Variants in PDXDC1 observed in about 807,000 individuals in gnomAD.
PDXDC1 encodes pyridoxal dependent decarboxylase domain containing 1.
Under a neutral mutation model 100.1 loss-of-function variants are expected in PDXDC1, and 42 were observed. The ratio of observed to expected loss-of-function variants is 0.42; its 90% CI spans 0.33 to 0.54. The LOEUF (loss-of-function observed/expected upper bound fraction) is 0.54. PDXDC1 is among the 20% of genes least tolerant of loss of function. PDXDC1 has a pLI of 0.10. For synonymous variants in PDXDC1, 260 were observed against 371.7 expected, an observed-to-expected ratio of 0.70 and a Z score of 3.46; for missense variants, 636 against 979.2, an observed-to-expected ratio of 0.65 and a Z score of 4.68.
At chr16:15,012,411 A>G (rs1444852834) in intron 8 of PDXDC1, among the ~76,000 whole-genome samples, 5 of 152,278 alleles carry the variant, frequency 3.3e-5, no homozygotes, top group Non-Finnish European at 7.3e-5. Context: ...GGCCCACAAT[A>G]CAATTTTTTA....
At chr16:15,017,918 CCA>C (rs2041914360) in intron 11 of PDXDC1, among the ~76,000 whole-genome samples, 1 of 152,192 alleles carries the variant, frequency 6.6e-6, no homozygotes, top group South Asian at 2.1e-4. Flanking sequence ...CCTCAGCCTC[CCA>C]AGTAGCTGGG....
chr16:15,141,172 C>A (rs73491944), downstream of PDXDC1, among the ~76,000 whole-genome samples: 6,475 of 152,236 alleles, frequency 0.043, 215 homozygotes, highest in African/African-American at 0.09. Flanking sequence ...CAGCCTCCAG[C>A]CAGCCCTGCT....
intron 16 of PDXDC1, among the ~76,000 whole-genome samples, chr16:15,132,450 G>A (rs1252219664): frequency 1.4e-5 from 2 of 143,698 alleles, no homozygotes; most frequent in African/African-American, 2.6e-5. Flanking sequence ...GGAGGGGAGA[G>A]TGGAAGGCAC....
downstream of PDXDC1, chr16:15,038,515 T>A (rs148082088): frequency 2.0e-6 from 2 of 992,492 alleles, no homozygotes; most frequent in Non-Finnish European, 3.1e-6. Context: ...CTTTTTTTCT[T>A]ACAGATGGGG....
At chr16:15,063,966 T>C (rs62039510) in intron 16 of PDXDC1, among the ~76,000 whole-genome samples, 4,628 of 152,264 alleles carry the variant, frequency 0.03, 86 homozygotes, top group Admixed American at 0.041. Context: ...CTGTAGTAAT[T>C]TGCTGAAAAG....
At chr16:15,149,021 A>AAG in the PDXDC1 span, among the ~76,000 whole-genome samples, 1 of 152,206 alleles carries the variant, frequency 6.6e-6, no homozygotes. Flanking sequence ...GGAGCCACGT[A>AAG]AGACCCGGCT....
the PDXDC1 span, among the ~76,000 whole-genome samples, chr16:15,149,362 T>A: frequency 6.6e-6 from 1 of 152,302 alleles, no homozygotes; most frequent in South Asian, 2.1e-4. Context: ...AGGGTGGCCC[T>A]CCTTCTGCTG....
chr16:15,083,532 C>A, intron 16 of PDXDC1: 1 of 1,608,430 alleles, frequency 6.2e-7, no homozygotes, highest in South Asian at 1.1e-5. Flanking sequence ...CTCTGATTTT[C>A]GAACAAATGG....
chr16:15,064,615 T>A (rs1004477371), intron 16 of PDXDC1, among the ~76,000 whole-genome samples: 1 of 152,192 alleles, frequency 6.6e-6, no homozygotes, highest in Admixed American at 6.5e-5. Flanking sequence ...CCATTAACCT[T>A]ACATGTTTAA....
At chr16:15,128,227 T>G (rs2047857481) in intron 16 of PDXDC1, 6 of 1,611,140 alleles carry the variant, frequency 3.7e-6, no homozygotes, top group Non-Finnish European at 4.2e-6. Flanking sequence ...CAGACCTTTG[T>G]CGTGCCACAC....
Position 14,985,433 on chromosome 16 carries a change from G to A in PDXDC1, c.21+10213G>A, listed in dbSNP as rs571215496. 6.0e-4 allele frequency among the ~76,000 whole-genome samples: 91 copies of A among 152,316 alleles called. No individual in the cohort carries two copies. The South Asian group carries it at 0.016, about 27-fold the overall frequency. ...CTCCCTAGTAGCTGGGACTACAGGC[G>A]CCCGCCAGCACACCTGGCTAATTTT... On this transcript the variant is annotated intron_variant, in intron 1 of 22. Coordinates refer to ENST00000396410, the MANE Select transcript of PDXDC1 (RefSeq NM_015027.4).
At chr16:14,981,469 G>A (rs1303192156) in intron 1 of PDXDC1, among the ~76,000 whole-genome samples, 1 of 152,300 alleles carries the variant, frequency 6.6e-6, no homozygotes, top group African/African-American at 2.4e-5. Flanking sequence ...AGTTATAACA[G>A]TATCTGCTTC....
At chr16:15,072,484 C>T (rs1282089927) in intron 16 of PDXDC1, among the ~76,000 whole-genome samples, 1 of 152,092 alleles carries the variant, frequency 6.6e-6, no homozygotes, top group African/African-American at 2.4e-5. Context: ...AGGCAGCAAT[C>T]TGTTTTCTCT....
At chr16:15,080,203 G>T in intron 16 of PDXDC1, 1 of 1,356,344 alleles carries the variant, frequency 7.4e-7, no homozygotes, top group Non-Finnish European at 9.7e-7. Flanking sequence ...TATTTAAAAA[G>T]AAAAAAACAG....
rs980342137 is a variant in PDXDC1, at chr16:15,017,130, G to T, written c.823G>T (p.Ala275Ser). ...IWLHVEGVNL[A>S]TLALGYVSSS... ...TGTTTTTTCTTCCAGTGTGAATCTGGCAACATTGGCTCTGGGTTATGTCTC... is the reference window on the plus strand; with the variant it reads ...TGTTTTTTCTTCCAGTGTGAATCTGTCAACATTGGCTCTGGGTTATGTCTC... Residue 275 changes from alanine (A) to serine (S), a missense_variant, in exon 10 of 23, where the codon GCA (alanine) becomes TCA (serine). Ala to Ser is a moderately conservative substitution (Grantham distance 99). Coordinates refer to ENST00000396410, the MANE Select transcript of PDXDC1 (RefSeq NM_015027.4). 1.2e-6 allele frequency: 2 copies of T among 1,613,896 alleles called. No individual in the cohort carries two copies. Among genetic ancestry groups the T allele is most frequent in the African/African-American group, 2.7e-5 (2 of 74,946 alleles).
intron 16 of PDXDC1, among the ~76,000 whole-genome samples, chr16:15,068,726 G>GT (rs1403910705): frequency 9.9e-5 from 15 of 152,032 alleles, no homozygotes; most frequent in Non-Finnish European, 1.5e-4. Context: ...GTCATCTGTA[G>GT]TTTTTTTTCT....
intron 16 of PDXDC1, among the ~76,000 whole-genome samples, chr16:15,066,417 G>T (rs2044975162): frequency 6.6e-6 from 1 of 152,104 alleles, no homozygotes; most frequent in African/African-American, 2.4e-5. Context: ...CGGTTCACTT[G>T]AGCTCAGGAG....
At chr16:14,987,579 C>A (rs1969667601) in intron 1 of PDXDC1, among the ~76,000 whole-genome samples, 1 of 152,282 alleles carries the variant, frequency 6.6e-6, no homozygotes, top group Non-Finnish European at 1.5e-5. Flanking sequence ...ATTTGACATT[C>A]TTCCGAGGAA....
chr16:15,038,250 T>TG lies in PDXDC1; in HGVS notation c.*1975_*1976insG. The TG allele has an allele frequency of 7.0e-7, 1 of 1,418,954 alleles. No individual in the cohort carries two copies. Among genetic ancestry groups the TG allele is most frequent in the Non-Finnish European group, 9.9e-7 (1 of 1,012,806 alleles). The allele number at this position is 1,418,954 out of a possible 1,614,324, so 87.9% of individuals were successfully genotyped here. ...TGGTGGGCATTAGAGAAGCCAACCT[T>TG]ACTGTCCCCTGCTGTGATAAAGATG... On this transcript the variant is annotated 3_prime_UTR_variant, in exon 23 of 23. Transcript: ENST00000396410.
Sources: gnomAD v4.1 joint callset for allele counts (sites outside exome capture counted in the v4.1 genomes callset) on GRCh38, gnomAD v4.1.1 for gene constraint, MANE v1.5 for transcripts, NCBI Gene and HGNC (gene_info 2026-07-23, HGNC 2026-07-21) for gene names.